ATAD2B: variants seen among roughly 807,000 people sequenced by gnomAD.
ATAD2B encodes ATPase family AAA domain-containing protein 2B.
Under a neutral mutation model 167.6 loss-of-function variants are expected in ATAD2B, and 40 were observed. The observed-to-expected ratio is 0.24, with a 90% confidence interval of 0.19 to 0.31. The LOEUF is 0.31. Among genes scored for constraint, ATAD2B ranks in the 10% least tolerant of loss-of-function variants. ATAD2B has a pLI of 1.00. For missense variants in ATAD2B, 1,242 were observed against 1,757.2 expected (o/e 0.71, Z 5.24); for synonymous variants, 579 against 596.5 (o/e 0.97, Z 0.43).
intron 13 of ATAD2B, among the ~76,000 whole-genome samples, chr2:23,843,029 G>T (rs1691169867): frequency 6.6e-6 from 1 of 152,100 alleles, no homozygotes; most frequent in Non-Finnish European, 1.5e-5. Context: ...AACCAAGTGG[G>T]TCTAACATGA....
chr2:23,923,955 G>C (rs1328115279), intron 1 of ATAD2B, among the ~76,000 whole-genome samples: 1 of 152,068 alleles, frequency 6.6e-6, no homozygotes, highest in Non-Finnish European at 1.5e-5. Flanking sequence ...GGCCGAGGCG[G>C]GCTGATGACG....
rs1242941502 is a variant in ATAD2B at position 23,823,398 on chromosome 2, G to C, written c.1991C>G (p.Ser664Cys). 6 of 1,613,974 alleles carry C rather than the reference G, an allele frequency of 3.7e-6. No individual in the cohort carries two copies. The highest frequency in any genetic ancestry group is 5.1e-6 in the Non-Finnish European group (6 of 1,179,884). Residue 664 changes from serine to cysteine, a missense_variant, in exon 16 of 28, where the codon TCC becomes TGC. Transcript: ENST00000238789. ...CCCTGAAGACATCACAGCACGTTGGGAAGCAGGCACGATATTCTGCATTGC... is the reference window on the plus strand; with the variant it reads ...CCCTGAAGACATCACAGCACGTTGGCAAGCAGGCACGATATTCTGCATTGC... ...YHAMQNIVPA[S>C]QRAVMSSGHA...
intron 14 of ATAD2B, among the ~76,000 whole-genome samples, chr2:23,833,274 A>T (rs1689360116): frequency 6.6e-6 from 1 of 152,244 alleles, no homozygotes. Context: ...ACATATTCAC[A>T]TACAGTACCT....
Position 23,757,615 on chromosome 2 carries a change from G to A in ATAD2B, c.3881C>T (p.Ser1294Phe), listed in dbSNP as rs1558489520. 6.2e-7 allele frequency: 1 copy of A among 1,613,672 alleles called. No homozygotes were observed. The highest frequency in any genetic ancestry group is 8.5e-7 in the Non-Finnish European group (1 of 1,179,750). The change falls in exon 25 of 28, where the codon TCT becomes TTT. Residue 1294 changes from serine to phenylalanine, a missense_variant. Coordinates refer to ENST00000238789, the MANE Select transcript of ATAD2B (RefSeq NM_017552.4). ...ECQNGKLEVVSFCDSGDKCSS... is the reference protein window; with the variant it reads ...ECQNGKLEVVFFCDSGDKCSS... Reference sequence around the variant, plus strand: ...ACATTTATCTCCACTATCACAGAAAGAAACTACTTCAAGCTTGCCATTCTG... The same window carrying A: ...ACATTTATCTCCACTATCACAGAAAAAAACTACTTCAAGCTTGCCATTCTG...
At chr2:23,915,810 C>G (rs1281108025) in intron 1 of ATAD2B, among the ~76,000 whole-genome samples, 2 of 151,876 alleles carry the variant, frequency 1.3e-5, no homozygotes, top group Non-Finnish European at 2.9e-5. Context: ...TCAGGCTACT[C>G]TCGAACTCCT....
At chr2:23,745,447 GAAGGGAAGGA>G (rs1674823606), downstream of ATAD2B, among the ~76,000 whole-genome samples, 1 of 147,066 alleles carries the variant, frequency 6.8e-6, no homozygotes, top group African/African-American at 2.5e-5. Flanking sequence ...GAAGGGAAGG[GAAGGGAAGGA>G]AGGAAAGGAA....
chr2:23,885,859 G>T, intron 4 of ATAD2B, 30 bp from the exon 5 acceptor site: 1 of 1,326,254 alleles, frequency 7.5e-7, no homozygotes, highest in South Asian at 1.3e-5. Context: ...TCAGGATTTA[G>T]ACAATGGTGG....
chr2:23,872,670 T>A, intron 8 of ATAD2B: 1 of 1,345,636 alleles, frequency 7.4e-7, no homozygotes, highest in Non-Finnish European at 1.1e-6. Context: ...AGCCTCCAGA[T>A]CTTCACCTGG....
At chr2:23,901,562 A>T (rs1700844220) in intron 1 of ATAD2B, among the ~76,000 whole-genome samples, 1 of 152,060 alleles carries the variant, frequency 6.6e-6, no homozygotes, top group African/African-American at 2.4e-5. Context: ...AACGTACCCT[A>T]TTTTTTAAAA....
intron 15 of ATAD2B, 43 bp downstream of exon 15, chr2:23,828,806 G>A (rs926819274): frequency 4.6e-6 from 6 of 1,310,680 alleles, no homozygotes; most frequent in Non-Finnish European, 6.6e-6. Flanking sequence ...AGGTTGAGCA[G>A]AACAAACAAT....
chr2:23,697,709 TATC>T, the ATAD2B span: 1 of 152,156 alleles, frequency 6.6e-6, no homozygotes, highest in Non-Finnish European at 1.5e-5. Flanking sequence ...AACATTTAGT[TATC>T]ATATTGATCT....
intron 13 of ATAD2B, among the ~76,000 whole-genome samples, chr2:23,843,720 C>T (rs1206687951): frequency 6.6e-6 from 1 of 152,132 alleles, no homozygotes; most frequent in Admixed American, 6.5e-5. Context: ...GATGAAACTA[C>T]CCAAGGCTTG....
chr2:23,791,950 C>T (rs773981667), intron 19 of ATAD2B, among the ~76,000 whole-genome samples: 6 of 152,076 alleles, frequency 3.9e-5, no homozygotes, highest in Non-Finnish European at 5.9e-5. Flanking sequence ...TAATGTCATA[C>T]TGTTTTCCAC....
intron 24 of ATAD2B, among the ~76,000 whole-genome samples, chr2:23,760,001 T>C (rs1291369677): frequency 6.6e-6 from 1 of 152,240 alleles, no homozygotes; most frequent in Non-Finnish European, 1.5e-5. Flanking sequence ...AGGTTCCCTT[T>C]TTCTTTCCTA....
chr2:23,767,078 C>A (rs1677531360), intron 22 of ATAD2B, among the ~76,000 whole-genome samples: 1 of 152,162 alleles, frequency 6.6e-6, no homozygotes, highest in Non-Finnish European at 1.5e-5. Flanking sequence ...ATGTTCAATT[C>A]TTTGCCTTCT....
chr2:23,856,480 T>C (rs1468315614), intron 13 of ATAD2B: 1 of 407,624 alleles, frequency 2.5e-6, no homozygotes, highest in Non-Finnish European at 5.0e-6. Context: ...CATCAGATGG[T>C]AGATTGAAAA....
rs913785722 is a variant in ATAD2B at position 23,751,807 on chromosome 2, T to G, written c.*239A>C. 26 of 469,348 alleles carry G rather than the reference T, an allele frequency of 5.5e-5. No individual in the cohort carries two copies. The highest frequency in any genetic ancestry group is 1.0e-4 in the South Asian group (3 of 29,634). The allele number at this position is 469,348 out of a possible 1,614,324, so 29.1% of individuals were successfully genotyped here. On this transcript the variant is annotated 3_prime_UTR_variant, in exon 28 of 28. Transcript: ENST00000238789. The stretch of plus-strand genomic sequence containing the variant: ...GCACCAAAATCTCCAAGCTGTGGGG[T>G]TGTATTTTTTATTTGTGGAAAATAC...
chr2:23,927,041 G>A lies in ATAD2B; in HGVS notation c.-271C>T. ...CGCCCTCCTCAGCGGGAGCCGAGCG[G>A]AGCCGCCATTTCTACCCCTTTCTCT... On this transcript the variant is annotated 5_prime_UTR_variant, in exon 1 of 28. Transcript: ENST00000238789. 2.2e-6 allele frequency: 1 copy of A among 456,470 alleles called. No individual in the cohort carries two copies. Among genetic ancestry groups the A allele is most frequent in the Non-Finnish European group, 3.8e-6 (1 of 260,276 alleles). 28.3% of individuals were successfully genotyped at this position (456,470 alleles called of 1,614,324 possible).
At chr2:23,709,262 G>T in the ATAD2B span, among the ~76,000 whole-genome samples, 1 of 151,984 alleles carries the variant, frequency 6.6e-6, no homozygotes, top group East Asian at 1.9e-4. Flanking sequence ...GGGTGGTCTC[G>T]AACTCCCAAC....
Sources: gnomAD v4.1 joint callset for allele counts (sites outside exome capture counted in the v4.1 genomes callset) on GRCh38, gnomAD v4.1.1 for gene constraint, MANE v1.5 for transcripts, NCBI Gene and HGNC (gene_info 2026-07-23, HGNC 2026-07-21) for gene names.